RHOQ: variants seen among roughly 807,000 people sequenced by gnomAD.
The protein encoded by RHOQ is ras homolog family member Q, also known as rho-related GTP-binding protein RhoQ.
RHOQ carries 7 observed loss-of-function variants against 25.8 expected under a neutral mutation model. The ratio of observed to expected loss-of-function variants is 0.27; its 90% CI spans 0.15 to 0.51. The LOEUF is 0.51. Among genes scored for constraint, RHOQ ranks in the 20% least tolerant of loss-of-function variants. The pLI is 0.97. For synonymous variants in RHOQ, 97 were observed against 98.6 expected, an observed-to-expected ratio of 0.98 and a Z score of 0.10; for missense variants, 165 against 260.6, an observed-to-expected ratio of 0.63 and a Z score of 2.53.
At chr2:46,545,032 A>G (rs1668001325) in intron 2 of RHOQ, among the ~76,000 whole-genome samples, 1 of 152,084 alleles carries the variant, frequency 6.6e-6, no homozygotes, top group Admixed American at 6.5e-5. Context: ...CCTTGATGTG[A>G]CCTCTGGTTT....
At chr2:46,575,295 A>G (rs369883956) in intron 2 of RHOQ, among the ~76,000 whole-genome samples, 2 of 152,142 alleles carry the variant, frequency 1.3e-5, no homozygotes, top group South Asian at 4.1e-4. Context: ...TGCATAGAAA[A>G]AGAACTGGAA....
At chr2:46,578,871 T>C (rs1215908449) in intron 4 of RHOQ, among the ~76,000 whole-genome samples, 1 of 151,506 alleles carries the variant, frequency 6.6e-6, no homozygotes, top group Admixed American at 6.6e-5. Context: ...TAGATGTTAA[T>C]TATGTTGATT....
intron 2 of RHOQ, among the ~76,000 whole-genome samples, chr2:46,564,532 G>T (rs1054321531): frequency 2.6e-5 from 4 of 152,174 alleles, no homozygotes; most frequent in African/African-American, 9.7e-5. Flanking sequence ...AGATTGCACT[G>T]TATGCGTTTA....
intron 2 of RHOQ, among the ~76,000 whole-genome samples, chr2:46,549,224 C>G (rs1017481191): frequency 2.0e-5 from 3 of 152,120 alleles, no homozygotes; most frequent in African/African-American, 7.2e-5. Context: ...ATGCCAAGCT[C>G]TCATCTCTGA....
intron 2 of RHOQ, among the ~76,000 whole-genome samples, chr2:46,563,040 A>C (rs1668620977): frequency 6.6e-6 from 1 of 152,220 alleles, no homozygotes; most frequent in South Asian, 2.1e-4. Flanking sequence ...GTTTAAGAGG[A>C]GGCTCCATTA....
chr2:46,549,011 G>T, intron 2 of RHOQ, among the ~76,000 whole-genome samples: 1 of 152,124 alleles, frequency 6.6e-6, no homozygotes, highest in Non-Finnish European at 1.5e-5. Flanking sequence ...TAGGGTGGGG[G>T]CAGTCCCCAC....
chr2:46,582,867 T>G lies in RHOQ; in HGVS notation c.*1784T>G, dbSNP rs535048260. Reference sequence around the variant, plus strand: ...GAGTGGAGAGAGTCTACTGGATGACTGGCCAGGAACTTTCTCTCTGAATCG... The same window carrying G: ...GAGTGGAGAGAGTCTACTGGATGACGGGCCAGGAACTTTCTCTCTGAATCG... On this transcript the variant is annotated 3_prime_UTR_variant, in exon 5 of 5. Coordinates refer to ENST00000238738, the MANE Select transcript of RHOQ (RefSeq NM_012249.4). 5.5e-4 allele frequency: 84 copies of G among 152,696 alleles called. No individual in the cohort carries two copies. Among genetic ancestry groups the G allele is most frequent in the African/African-American group, 1.9e-3 (79 of 41,580 alleles). The allele number at this position is 152,696 out of a possible 1,614,324, so 9.5% of individuals were successfully genotyped here.
intron 4 of RHOQ, 150 bp from the exon 5 acceptor site, chr2:46,580,778 A>G: frequency 1.9e-6 from 1 of 526,350 alleles, no homozygotes; most frequent in Non-Finnish European, 3.2e-6. Flanking sequence ...CTAGTATTTT[A>G]AAATCCCCTC....
At chr2:46,562,347 A>G (rs944162143) in intron 2 of RHOQ, among the ~76,000 whole-genome samples, 5 of 152,132 alleles carry the variant, frequency 3.3e-5, no homozygotes, top group African/African-American at 1.2e-4. Context: ...TTATGAGAAT[A>G]CACAAAAGAG....
At position 46,542,788 on chromosome 2, in the gene RHOQ, C is replaced by A. The variant is rs965707118; in HGVS notation, c.-259C>A. 2 of 146,750 alleles carry A rather than the reference C, an allele frequency of 1.4e-5. No homozygotes were observed. Among genetic ancestry groups the A allele is most frequent in the Non-Finnish European group, 1.5e-5 (1 of 65,754 alleles). 9.1% of individuals were successfully genotyped at this position (146,750 alleles called of 1,614,324 possible). On this transcript the variant is annotated 5_prime_UTR_variant, in exon 1 of 5. Transcript: ENST00000238738. ...CCGGGCCGGGGAGAGGGCGCGGGCG[C>A]CGAGTGGCGGGGGCAGCGGGCGGGC...
At chr2:46,545,486 TA>T (rs759058648) in intron 2 of RHOQ, among the ~76,000 whole-genome samples, 1 of 152,224 alleles carries the variant, frequency 6.6e-6, no homozygotes, top group Non-Finnish European at 1.5e-5. Context: ...AGTTTTTTCC[TA>T]CATATGGGGC....
rs759120594 is a variant in RHOQ, at chr2:46,576,278, T to C, written c.366+27T>C. On this transcript the variant is annotated intron_variant, in intron 3 of 4. Coordinates refer to ENST00000238738, the MANE Select transcript of RHOQ (RefSeq NM_012249.4). This position sits in a 1 kb window ranked among gnomAD's most constrained non-coding sequence, Gnocchi z 5.1. ...TATGTCTGGTTTGATTTTCTGCATTTTAGAATAAGCTCTTTGGTCTGTCGT... is the reference window on the plus strand; with the variant it reads ...TATGTCTGGTTTGATTTTCTGCATTCTAGAATAAGCTCTTTGGTCTGTCGT... 1.3e-6 allele frequency: 2 copies of C among 1,586,130 alleles called. No individual in the cohort carries two copies. Among genetic ancestry groups the C allele is most frequent in the Non-Finnish European group, 1.7e-6 (2 of 1,160,982 alleles).
At chr2:46,571,857 T>A (rs1303564385) in intron 2 of RHOQ, among the ~76,000 whole-genome samples, 1 of 152,104 alleles carries the variant, frequency 6.6e-6, no homozygotes, top group Non-Finnish European at 1.5e-5. Flanking sequence ...GACATACACA[T>A]CCCAAAAACA....
In RHOQ at chr2:46,555,361, G is replaced by A. The variant is rs1374576727; in HGVS notation, c.201+11549G>A. ...CCTTGCCGTCCCTGCAGGACTGCAC[G>A]TAGCACATAGCACTTTGCACAAGTG... On this transcript the variant is annotated intron_variant, in intron 2 of 4. Coordinates refer to ENST00000238738, the MANE Select transcript of RHOQ (RefSeq NM_012249.4). The surrounding 1 kb of genome is among the most constrained non-coding windows in gnomAD (Gnocchi z 4.3). 3.9e-5 allele frequency among the ~76,000 whole-genome samples: 6 copies of A among 152,342 alleles called. No homozygotes were observed. Among genetic ancestry groups the A allele is most frequent in the Non-Finnish European group, 5.9e-5 (4 of 68,032 alleles).
chr2:46,546,519 C>CGTATATAT (rs1668073710), intron 2 of RHOQ, among the ~76,000 whole-genome samples: 1 of 38,130 alleles, frequency 2.6e-5, no homozygotes, highest in Admixed American at 3.6e-4. Flanking sequence ...TATGTATATA[C>CGTATATAT]ATATATATAT....
At chr2:46,577,710 C>T (rs1224619758) in intron 4 of RHOQ, among the ~76,000 whole-genome samples, 4 of 151,338 alleles carry the variant, frequency 2.6e-5, no homozygotes, top group African/African-American at 7.3e-5. Context: ...CCACCGCGCC[C>T]GGCCCATATA....
rs2104031006 is a variant in RHOQ at position 46,576,670 on chromosome 2, C to T, written c.462+14C>T. On this transcript the variant is annotated intron_variant, in intron 4 of 4. Transcript: ENST00000238738. The surrounding 1 kb of genome is among the most constrained non-coding windows in gnomAD (Gnocchi z 5.1). ...CTAGCAAAAGAGGTAATGGAACACT[C>T]ACAGAATTTAAGCATGAATGTAAAA... 4.0e-6 allele frequency: 6 copies of T among 1,497,730 alleles called. No homozygotes were observed. Among genetic ancestry groups the T allele is most frequent in the Middle Eastern group, 3.5e-4 (2 of 5,774 alleles). 92.8% of individuals were successfully genotyped at this position (1,497,730 alleles called of 1,614,324 possible).
chr2:46,566,981 T>A lies in RHOQ; in HGVS notation c.202-9106T>A, dbSNP rs775896344. 3.9e-5 allele frequency among the ~76,000 whole-genome samples: 6 copies of A among 152,234 alleles called. No homozygotes were observed. The highest frequency in any genetic ancestry group is 7.2e-5 in the African/African-American group (3 of 41,458). On this transcript the variant is annotated intron_variant, in intron 2 of 4. Coordinates refer to ENST00000238738, the MANE Select transcript of RHOQ (RefSeq NM_012249.4). The surrounding 1 kb of genome is among the most constrained non-coding windows in gnomAD (Gnocchi z 4.2). ...GTCCCAATTTGTTCAATGCCTGATT[T>A]GATACCTCAATTTTATCAGACCCAT...
intron 2 of RHOQ, among the ~76,000 whole-genome samples, chr2:46,573,064 GATT>G (rs2104023517): frequency 2.6e-5 from 3 of 114,042 alleles, no homozygotes; most frequent in South Asian, 6.2e-4. Flanking sequence ...ACTAACTGCC[GATT>G]TTTTTTTTTT....
Sources: allele counts gnomAD v4.1 joint callset (sites outside exome capture counted in the v4.1 genomes callset), GRCh38; gene constraint gnomAD v4.1.1; non-coding constraint Gnocchi (gnomAD v3.1); transcripts MANE v1.5; gene names NCBI Gene and HGNC (gene_info 2026-07-23, HGNC 2026-07-21).